The following KRT16 variants were observed in gnomAD, a reference collection of about 807,000 sequenced individuals.
The protein encoded by KRT16 is keratin 16.
KRT16 carries 42 observed loss-of-function variants against 44.8 expected under a neutral mutation model. The observed-to-expected ratio is 0.94, with a 90% CI of 0.73 to 1.21. The LOEUF is 1.21. Ranked by LOEUF, KRT16 falls within the 50% of genes most tolerant of loss-of-function variation. The pLI, the probability that KRT16 is intolerant of heterozygous loss-of-function variation, is 0.00. For missense variants in KRT16, 561 were observed against 626.9 expected (o/e 0.89, Z 1.12); for synonymous variants, 226 against 260.4 (o/e 0.87, Z 1.27).
rs1421597497 is a variant in KRT16, at chr17:41,610,887, G to A, written c.1026C>T (p.Gly342=). 1 of 1,613,968 alleles carries A rather than the reference G, an allele frequency of 6.2e-7. No homozygotes were observed. The highest frequency in any genetic ancestry group is 8.5e-7 in the Non-Finnish European group (1 of 1,180,044). ...EVTELRRVLQ[G]LEIELQSQLS... ...GCTGGGACTGCAGCTCAATCTCCAGGCCCTGGAGCACCCTCCGGAGCTCCG... is the reference window on the plus strand; with the variant it reads ...GCTGGGACTGCAGCTCAATCTCCAGACCCTGGAGCACCCTCCGGAGCTCCG... Residue 342 remains glycine, a synonymous_variant, in exon 5 of 8, where the codon GGC becomes GGT. Coordinates refer to ENST00000301653, the MANE Select transcript of KRT16 (RefSeq NM_005557.4).
rs1445424962 is a variant in KRT16, at chr17:41,612,525, C to A, written c.164G>T (p.Arg55Leu). The A allele has an allele frequency of 3.1e-6, 5 of 1,599,580 alleles. No homozygotes were observed. The highest frequency in any genetic ancestry group is 4.3e-6 in the Non-Finnish European group (5 of 1,173,378). ...CCCGCAGGCTCCCCCAGAGGAGAAG[C>A]GAGAGGAGACAGACAGGCCGCCCCC... ...TYGGGLSVSS[R>L]FSSGGACGLG... The change falls in exon 1 of 8, where the codon CGC becomes CTC. Residue 55 changes from arginine to leucine, a missense_variant. Physicochemically the swap from Arg to Leu is moderately radical, Grantham distance 102 (BLOSUM62 -2). Coordinates refer to ENST00000301653, the MANE Select transcript of KRT16 (RefSeq NM_005557.4).
At position 41,612,508 on chromosome 17, in the gene KRT16, C is replaced by T. The variant is rs758996794; in HGVS notation, c.181G>A (p.Ala61Thr). 2 of 1,604,442 alleles carry T rather than the reference C, an allele frequency of 1.2e-6. No individual in the cohort carries two copies. Among genetic ancestry groups the T allele is most frequent in the East Asian group, 2.3e-5 (1 of 44,434 alleles). ...SVSSRFSSGG[A>T]CGLGGGYGGG... ...CCATAGCCGCCCCCCAGCCCGCAGG[C>T]TCCCCCAGAGGAGAAGCGAGAGGAG... The change falls in exon 1 of 8, where the codon GCC (alanine) becomes ACC (threonine). Residue 61 changes from alanine to threonine, a missense_variant. Ala to Thr is a moderately conservative substitution (Grantham distance 58, BLOSUM62 0). Coordinates refer to ENST00000301653, the MANE Select transcript of KRT16 (RefSeq NM_005557.4).
In KRT16 at chr17:41,610,855, A is replaced by G. The variant is rs1908165959; in HGVS notation, c.1058T>C (p.Met353Thr). 1 of 1,613,768 alleles carries G rather than the reference A, an allele frequency of 6.2e-7. No individual in the cohort carries two copies. The highest frequency in any genetic ancestry group is 1.3e-5 in the African/African-American group (1 of 74,896). Residue 353 changes from methionine to threonine, a missense_variant and splice_region_variant, in exon 5 of 8, where the codon ATG becomes ACG. Met to Thr is a moderately conservative substitution (Grantham distance 81, BLOSUM62 -1). Transcript: ENST00000301653. ...GCTGCTGTGCTGGGTCCTTCATACC[A>G]TGCTGAGCTGGGACTGCAGCTCAAT... The part of the protein sequence containing the change: ...LEIELQSQLS[M>T]KASLENSLEE...
rs1210325339 is a variant in KRT16, at chr17:41,610,083, A to G, written c.1328-54T>C. 3.2e-6 allele frequency: 5 copies of G among 1,576,932 alleles called. No homozygotes were observed. The African/African-American group carries it at 5.4e-5, about 17-fold the overall frequency. On this transcript the variant is annotated intron_variant, in intron 7 of 7. Transcript: ENST00000301653. Reference sequence around the variant, plus strand: ...GGGGTCTGAGAGCTAAGCTGACTCCAGGGCAGGGAGAAGGGAGGGCTGGGA... The same window carrying G: ...GGGGTCTGAGAGCTAAGCTGACTCCGGGGCAGGGAGAAGGGAGGGCTGGGA...
Position 41,610,944 on chromosome 17 carries a change from G to C in KRT16, c.969C>G (p.Ser323Arg). The change falls in exon 5 of 8, where the codon AGC (serine) becomes AGG (arginine). Residue 323 changes from serine (S) to arginine (R), a missense_variant. Transcript: ENST00000301653. ...CACTGCGGCTGCTCTGTACCAGTTC[G>C]CTGTTGGAGGCCACTTCTTTGTTCA... ...EELNKEVASN[S>R]ELVQSSRSEV... is the part of the protein sequence containing the mutation. 6.2e-7 allele frequency: 1 copy of C among 1,614,146 alleles called. No individual in the cohort carries two copies. The highest frequency in any genetic ancestry group is 8.5e-7 in the Non-Finnish European group (1 of 1,180,020).
Position 41,609,875 on chromosome 17 carries a change from G to A in KRT16, c.*60C>T, listed in dbSNP as rs985897287. ...CGCCAGGAGAGCAGGGTCCTGACCC[G>A]GGCCTTCAGGAGGTGAGGCCAGCTG... On this transcript the variant is annotated 3_prime_UTR_variant, in exon 8 of 8. Transcript: ENST00000301653. 43 of 1,391,466 alleles carry A rather than the reference G, an allele frequency of 3.1e-5. No homozygotes were observed. Among genetic ancestry groups the A allele is most frequent in the African/African-American group, 7.1e-5 (5 of 70,360 alleles). 86.2% of individuals were successfully genotyped at this position (1,391,466 alleles called of 1,614,324 possible). A position where few individuals can be genotyped will look rare whatever the true frequency, so the allele number is the denominator to read the frequency against.
In KRT16 at chr17:41,612,405, C is replaced by T; in HGVS notation, c.284G>A (p.Gly95Asp). ...ACCAAAGCCAGCACCCAAGCCACCA[C>T]CGAAGCCAGCACCAAGGCCACCACC... is the stretch of plus-strand genomic sequence containing the variant. ...GYGGGLGAGF[G>D]GGLGAGFGGG... is the part of the protein sequence containing the mutation. Residue 95 changes from glycine to aspartate, a missense_variant, in exon 1 of 8, where the codon GGT (glycine) becomes GAT (aspartate). By Grantham distance (94) the Gly-to-Asp change is moderately conservative. Coordinates refer to ENST00000301653, the MANE Select transcript of KRT16 (RefSeq NM_005557.4). 6.2e-7 allele frequency: 1 copy of T among 1,614,154 alleles called. No homozygotes were observed. Among genetic ancestry groups the T allele is most frequent in the Non-Finnish European group, 8.5e-7 (1 of 1,180,032 alleles).
At chr17:41,611,895 C>G (rs1373150079) in intron 1 of KRT16, 174 bp from the exon 2 acceptor site, 2 of 780,690 alleles carry the variant, frequency 2.6e-6, no homozygotes, top group Admixed American at 4.1e-5. Context: ...CCATCCCGAT[C>G]ACCCCCTTCC....
intron 7 of KRT16, 28 bp downstream of exon 7, chr17:41,610,162 C>CG (rs1567744242): frequency 6.2e-7 from 1 of 1,613,246 alleles, no homozygotes; most frequent in South Asian, 1.1e-5. Flanking sequence ...AGAGGGGCTG[C>CG]AGTGCCGGGG....
Position 41,610,929 on chromosome 17 carries a change from G to A in KRT16, c.984C>T (p.Ser328=), listed in dbSNP as rs1184791469. The A allele has an allele frequency of 3.7e-6, 6 of 1,614,162 alleles. No homozygotes were observed. The highest frequency in any genetic ancestry group is 4.2e-6 in the Non-Finnish European group (5 of 1,180,018). ...GGAGCTCCGTCACCTCACTGCGGCTGCTCTGTACCAGTTCGCTGTTGGAGG... is the reference window on the plus strand; with the variant it reads ...GGAGCTCCGTCACCTCACTGCGGCTACTCTGTACCAGTTCGCTGTTGGAGG... ...EVASNSELVQ[S]SRSEVTELRR... is the part of the protein sequence containing the mutation. Residue 328 remains serine (S), a synonymous_variant, in exon 5 of 8, where the codon AGC becomes AGT. Coordinates refer to ENST00000301653, the MANE Select transcript of KRT16 (RefSeq NM_005557.4).
intron 7 of KRT16, 64 bp downstream of exon 7, chr17:41,610,126 C>T: frequency 6.2e-7 from 1 of 1,604,000 alleles, no homozygotes; most frequent in African/African-American, 1.3e-5. Context: ...GGAGAAGGGC[C>T]CAGCCCCCAC....
intron 1 of KRT16, 179 bp from the exon 2 acceptor site, chr17:41,611,900 C>G (rs1183932283): frequency 1.5e-5 from 12 of 779,464 alleles, no homozygotes; most frequent in Non-Finnish European, 2.4e-5. Context: ...CCGATCACCC[C>G]CTTCCTGGGC....
Position 41,609,873 on chromosome 17 carries a change from C to G in KRT16, c.*62G>C. The G allele has an allele frequency of 1.4e-6, 2 of 1,384,184 alleles. No homozygotes were observed. 85.7% of individuals were successfully genotyped at this position (1,384,184 alleles called of 1,614,324 possible). A position where few individuals can be genotyped will look rare whatever the true frequency, so the allele number is the denominator to read the frequency against. On this transcript the variant is annotated 3_prime_UTR_variant, in exon 8 of 8. Transcript: ENST00000301653. ...TGCGCCAGGAGAGCAGGGTCCTGAC[C>G]CGGGCCTTCAGGAGGTGAGGCCAGC...
Position 41,611,122 on chromosome 17 carries a change from C to G in KRT16, c.880G>C (p.Glu294Gln). Residue 294 changes from glutamate to glutamine, a missense_variant, in exon 4 of 8, where the codon GAG becomes CAG. By Grantham distance (29) the Glu-to-Gln change is conservative. Transcript: ENST00000301653. ...RILNEMRDQY[E>Q]QMAEKNRRDA... ...CTGCGGTTTTTCTCTGCCATCTGCTCGTACTGGTCACGCATCTCATTCAGG... is the reference window on the plus strand; with the variant it reads ...CTGCGGTTTTTCTCTGCCATCTGCTGGTACTGGTCACGCATCTCATTCAGG... 1 of 1,614,032 alleles carries G rather than the reference C, an allele frequency of 6.2e-7. No homozygotes were observed. Among genetic ancestry groups the G allele is most frequent in the Non-Finnish European group, 8.5e-7 (1 of 1,179,880 alleles).
At position 41,611,478 on chromosome 17, in the gene KRT16, C is replaced by T. The variant is rs554718723; in HGVS notation, c.638G>A (p.Arg213Gln). ...RTKYEHELALRQTVEADVNGL... is the reference protein window; with the variant it reads ...RTKYEHELALQQTVEADVNGL... ...ATTGACGTCGGCCTCCACAGTCTGC[C>T]GCAGGGCCAGTTCATGCTCATACCT... The change falls in exon 3 of 8, where the codon CGG (arginine) becomes CAG (glutamine). Residue 213 changes from arginine to glutamine, a missense_variant. Coordinates refer to ENST00000301653, the MANE Select transcript of KRT16 (RefSeq NM_005557.4). 5.6e-6 allele frequency: 9 copies of T among 1,614,012 alleles called. No homozygotes were observed. Among genetic ancestry groups the T allele is most frequent in the Admixed American group, 5.0e-5 (3 of 60,030 alleles).
rs1908171679 is a variant in KRT16, at chr17:41,610,928, T to C, written c.985A>G (p.Ser329Gly). 1.2e-6 allele frequency: 2 copies of C among 1,614,166 alleles called. No individual in the cohort carries two copies. The highest frequency in any genetic ancestry group is 3.3e-5 in the Admixed American group (2 of 60,032). The change falls in exon 5 of 8, where the codon AGC (serine) becomes GGC (glycine). Residue 329 changes from serine to glycine, a missense_variant. Transcript: ENST00000301653. ...CGGAGCTCCGTCACCTCACTGCGGC[T>C]GCTCTGTACCAGTTCGCTGTTGGAG... ...VASNSELVQS[S>G]RSEVTELRRV...
At chr17:41,611,569 C>G in intron 2 of KRT16, 68 bp from the exon 3 acceptor site, 1 of 1,608,932 alleles carries the variant, frequency 6.2e-7, no homozygotes, top group African/African-American at 1.3e-5. Flanking sequence ...GTCTGCTGGC[C>G]CTGCTGGGTG....
Position 41,612,381 on chromosome 17 carries a change from C to T in KRT16, c.308G>A (p.Gly103Asp). ...CCCATCACCACCAGCAAAACCACCACCAAAGCCAGCACCCAAGCCACCACC... is the reference window on the plus strand; with the variant it reads ...CCCATCACCACCAGCAAAACCACCATCAAAGCCAGCACCCAAGCCACCACC... Reference protein sequence around the residue: ...GFGGGLGAGFGGGFAGGDGLL... With the variant: ...GFGGGLGAGFDGGFAGGDGLL... Residue 103 changes from glycine to aspartate, a missense_variant, in exon 1 of 8, where the codon GGT becomes GAT. Transcript: ENST00000301653. 1 of 1,614,216 alleles carries T rather than the reference C, an allele frequency of 6.2e-7. No homozygotes were observed. The highest frequency in any genetic ancestry group is 8.5e-7 in the Non-Finnish European group (1 of 1,180,044).
In KRT16 at chr17:41,609,948, C is replaced by T; in HGVS notation, c.1409G>A (p.Gly470Asp). 1.2e-6 allele frequency: 2 copies of T among 1,611,774 alleles called. No homozygotes were observed. Among genetic ancestry groups the T allele is most frequent in the Non-Finnish European group, 1.7e-6 (2 of 1,179,786 alleles). ...KEQSSSSFSQGQSS is the reference protein window; with the variant it reads ...KEQSSSSFSQDQSS Reference sequence around the variant, plus strand: ...GGCAGCTCAGTTCTAGGAGCTCTGGCCCTGGCTGAAGCTGGATGAGCTCTG... The same window carrying T: ...GGCAGCTCAGTTCTAGGAGCTCTGGTCCTGGCTGAAGCTGGATGAGCTCTG... The change falls in exon 8 of 8, where the codon GGC (glycine) becomes GAC (aspartate). Residue 470 changes from glycine to aspartate, a missense_variant. Physicochemically the swap from Gly to Asp is moderately conservative, Grantham distance 94. Coordinates refer to ENST00000301653, the MANE Select transcript of KRT16 (RefSeq NM_005557.4).
Sources: allele counts gnomAD v4.1 joint callset, GRCh38; gene constraint gnomAD v4.1.1; transcripts MANE v1.5; gene names NCBI Gene and HGNC (gene_info 2026-07-23, HGNC 2026-07-21).